Variants in FRAS1 observed in about 807,000 individuals in gnomAD.
FRAS1 encodes the protein Fraser extracellular matrix complex subunit 1, also known as extracellular matrix organizing protein FRAS1.
In FRAS1, 290 loss-of-function variants were observed where a neutral mutation model predicts 435.2. The ratio of observed to expected loss-of-function variants is 0.67; its 90% confidence interval spans 0.61 to 0.73. The LOEUF (loss-of-function observed/expected upper bound fraction) is 0.73. Among genes scored for constraint, FRAS1 ranks in the 30% least tolerant of loss-of-function variants. The pLI is 0.00. For synonymous variants in FRAS1, 1,800 were observed against 1,851.0 expected (o/e 0.97, Z 0.71); for missense variants, 4,860 against 5,001.5 (o/e 0.97, Z 0.85).
chr4:78,370,013 T>C (rs1390374877), intron 23 of FRAS1, 29 bp downstream of exon 23: 1 of 1,602,806 alleles, frequency 6.2e-7, no homozygotes, highest in Non-Finnish European at 8.5e-7. Flanking sequence ...TGTGTAAAGA[T>C]TCTTTTACAC....
chr4:78,148,798 G>A (rs954001252), intron 2 of FRAS1, among the ~76,000 whole-genome samples: 4 of 152,164 alleles, frequency 2.6e-5, no homozygotes, highest in South Asian at 2.1e-4. Flanking sequence ...TCTCAGTAGC[G>A]TTTATTATTG....
chr4:78,239,604 C>A (rs948869281), intron 3 of FRAS1, among the ~76,000 whole-genome samples: 1 of 152,144 alleles, frequency 6.6e-6, no homozygotes, highest in Non-Finnish European at 1.5e-5. Context: ...TCCCAATGTC[C>A]TTTAAGGTAC....
intron 40 of FRAS1, among the ~76,000 whole-genome samples, chr4:78,440,378 A>G (rs998109611): frequency 3.3e-5 from 5 of 151,788 alleles, no homozygotes; most frequent in African/African-American, 1.2e-4. Flanking sequence ...CCATTTTTCC[A>G]TTTTTACATA....
intron 2 of FRAS1, among the ~76,000 whole-genome samples, chr4:78,068,112 C>T (rs548360400): frequency 1.7e-4 from 26 of 152,120 alleles, no homozygotes; most frequent in Middle Eastern, 3.4e-3. Context: ...CAATTAGAGA[C>T]CTGCTATTCT....
chr4:78,519,913 C>T lies in FRAS1; in HGVS notation c.10540+432C>T, dbSNP rs536549194. ...CACTTGAAATATTTATGTCAAGTAG[C>T]CCACTTTATTCATTTGGCAAAGAGT... is the stretch of plus-strand genomic sequence containing the variant. On this transcript the variant is annotated intron_variant, in intron 67 of 73. Coordinates refer to ENST00000512123, the MANE Select transcript of FRAS1 (RefSeq NM_025074.7). Among the ~76,000 whole-genome samples, 8 of 152,256 alleles carry T rather than the reference C, an allele frequency of 5.3e-5. No individual in the cohort carries two copies. The South Asian group carries it at 1.2e-3, about 24-fold the overall frequency.
chr4:78,443,640 T>A (rs1718655953), intron 41 of FRAS1, among the ~76,000 whole-genome samples: 1 of 152,196 alleles, frequency 6.6e-6, no homozygotes, highest in Non-Finnish European at 1.5e-5. Context: ...CCTATTTAAT[T>A]TGCACATCAT....
chr4:78,338,034 A>C, intron 20 of FRAS1: 1 of 519,438 alleles, frequency 1.9e-6, no homozygotes, highest in East Asian at 3.4e-5. Context: ...GCAAATCCTG[A>C]AAATCTCAGA....
intron 18 of FRAS1, among the ~76,000 whole-genome samples, chr4:78,320,012 T>A (rs1177788374): frequency 6.6e-6 from 1 of 152,110 alleles, no homozygotes; most frequent in Non-Finnish European, 1.5e-5. Flanking sequence ...TGGTTAAGAG[T>A]GTCAAAGTGG....
intron 9 of FRAS1, among the ~76,000 whole-genome samples, chr4:78,274,174 T>C (rs923023081): frequency 1.3e-5 from 2 of 152,252 alleles, no homozygotes; most frequent in Admixed American, 6.5e-5. Flanking sequence ...CCTTTATCAT[T>C]TTTTATTGCG....
At chr4:78,536,968 C>T (rs1721904869) in intron 71 of FRAS1, 27 bp from the exon 72 acceptor site, 2 of 1,587,530 alleles carry the variant, frequency 1.3e-6, no homozygotes, top group Non-Finnish European at 1.7e-6. Flanking sequence ...AAAGTCTGAC[C>T]TAATTAATAC....
chr4:78,195,278 A>G (rs181943967), intron 2 of FRAS1, among the ~76,000 whole-genome samples: 8 of 152,312 alleles, frequency 5.3e-5, no homozygotes, highest in Non-Finnish European at 1.0e-4. Context: ...GTGCTGGGAG[A>G]ACCACTGCTC....
intron 2 of FRAS1, among the ~76,000 whole-genome samples, chr4:78,140,125 C>T (rs975217180): frequency 3.3e-5 from 5 of 152,234 alleles, no homozygotes; most frequent in South Asian, 4.1e-4. Context: ...AATCTGCACA[C>T]GTACTTTCTT....
At chr4:78,290,134 G>T (rs929274127) in intron 14 of FRAS1, among the ~76,000 whole-genome samples, 3 of 152,026 alleles carry the variant, frequency 2.0e-5, no homozygotes, top group Admixed American at 6.5e-5. Flanking sequence ...CCAACAACAC[G>T]CACCATGTAA....
At chr4:78,323,558 A>G (rs1262875675) in intron 18 of FRAS1, among the ~76,000 whole-genome samples, 3 of 152,196 alleles carry the variant, frequency 2.0e-5, no homozygotes, top group African/African-American at 7.2e-5. Context: ...ACTGATTCCC[A>G]TGCCTCTGTG....
At chr4:78,364,228 C>T (rs1731182731) in intron 22 of FRAS1, among the ~76,000 whole-genome samples, 174 bp downstream of exon 22, 2 of 152,194 alleles carry the variant, frequency 1.3e-5, no homozygotes, top group Non-Finnish European at 2.9e-5. Context: ...GATTATGGCT[C>T]AGATATCAGC....
intron 58 of FRAS1, among the ~76,000 whole-genome samples, chr4:78,483,749 C>A (rs1720081088): frequency 1.8e-5 from 2 of 112,256 alleles, no homozygotes; most frequent in African/African-American, 3.2e-5. Flanking sequence ...TGTGTTTATC[C>A]TTCAGGAGAA....
intron 2 of FRAS1, among the ~76,000 whole-genome samples, chr4:78,199,848 TG>T (rs1487003949): frequency 3.3e-5 from 5 of 152,340 alleles, no homozygotes; most frequent in Middle Eastern, 3.4e-3. Flanking sequence ...TGCTTAGAAT[TG>T]TGTCTTGGAA....
intron 5 of FRAS1, 44 bp downstream of exon 5, chr4:78,252,595 T>G: frequency 6.4e-7 from 1 of 1,562,084 alleles, no homozygotes; most frequent in South Asian, 1.2e-5. Context: ...GCTTGGGAGG[T>G]TCACATGGCT....
chr4:78,268,192 A>G (rs1726471435), intron 9 of FRAS1, among the ~76,000 whole-genome samples: 1 of 152,188 alleles, frequency 6.6e-6, no homozygotes, highest in Non-Finnish European at 1.5e-5. Flanking sequence ...GATGAGGGAA[A>G]TTAGAAAGAT....
Sources: allele counts gnomAD v4.1 joint callset (sites outside exome capture counted in the v4.1 genomes callset), GRCh38; gene constraint gnomAD v4.1.1; transcripts MANE v1.5; gene names NCBI Gene and HGNC (gene_info 2026-07-23, HGNC 2026-07-21).